CPSF3: variants seen among roughly 807,000 people sequenced by gnomAD.
The protein encoded by CPSF3 is cleavage and polyadenylation specific factor 3.
Under a neutral mutation model 84.1 loss-of-function variants are expected in CPSF3, and 57 were observed. The observed-to-expected ratio is 0.68, with a 90% CI of 0.55 to 0.85. The LOEUF (loss-of-function observed/expected upper bound fraction) is 0.85. Among genes scored for constraint, CPSF3 ranks in the 40% least tolerant of loss-of-function variants. The pLI, the probability that CPSF3 is intolerant of heterozygous loss-of-function variation, is 0.00. For synonymous variants in CPSF3, 275 were observed against 278.1 expected (o/e 0.99, Z 0.11); for missense variants, 522 against 838.8 (o/e 0.62, Z 4.66).
At position 9,440,798 on chromosome 2, in the gene CPSF3, T is replaced by A. The variant is rs187650011; in HGVS notation, c.936+132T>A. On this transcript the variant is annotated intron_variant, in intron 8 of 17. Coordinates refer to ENST00000238112, the MANE Select transcript of CPSF3 (RefSeq NM_016207.4). ...TGGGAGTCTAAGGCAGGAGGATCACTAGAACTCAGGAGTTTGAGACCGGCC... is the reference window on the plus strand; with the variant it reads ...TGGGAGTCTAAGGCAGGAGGATCACAAGAACTCAGGAGTTTGAGACCGGCC... The A allele has an allele frequency of 5.4e-4, 450 of 833,454 alleles. 1 individual carries two copies. The highest frequency in any genetic ancestry group is 1.4e-3 in the Admixed American group (57 of 41,168). The allele number at this position is 833,454 out of a possible 1,614,324, so 51.6% of individuals were successfully genotyped here.
Position 9,423,734 on chromosome 2 carries a change from G to A in CPSF3, c.-40G>A. ...GCTTCCAATTTAGGAAGACCCCGGC[G>A]ACCTGTTCCTCACCCCCGCTTCGCC... On this transcript the variant is annotated 5_prime_UTR_variant, in exon 1 of 18. Transcript: ENST00000238112. 2 of 1,606,756 alleles carry A rather than the reference G, an allele frequency of 1.2e-6. No individual in the cohort carries two copies. The highest frequency in any genetic ancestry group is 1.7e-6 in the Non-Finnish European group (2 of 1,177,160).
chr2:9,425,479 T>C (rs11887079), intron 1 of CPSF3, among the ~76,000 whole-genome samples: 84,894 of 151,988 alleles, frequency 0.56, 24,732 homozygotes, highest in Middle Eastern at 0.7. Flanking sequence ...TGAAAGATTC[T>C]AAGTCTAGCT....
chr2:9,459,704 C>CA, intron 15 of CPSF3, 86 bp downstream of exon 15: 1 of 609,466 alleles, frequency 1.6e-6, no homozygotes, highest in South Asian at 2.0e-5. Context: ...GGCTGGAGTG[C>CA]AGTGGCACGA....
At chr2:9,425,586 G>A (rs1476597528) in intron 1 of CPSF3, among the ~76,000 whole-genome samples, 4 of 152,168 alleles carry the variant, frequency 2.6e-5, no homozygotes, top group Non-Finnish European at 4.4e-5. Context: ...AAGGGTGGTT[G>A]TGGGGAGGGA....
At chr2:9,436,846 G>A (rs1680802535) in intron 7 of CPSF3, among the ~76,000 whole-genome samples, 1 of 151,866 alleles carries the variant, frequency 6.6e-6, no homozygotes, top group South Asian at 2.1e-4. Flanking sequence ...CTCATGCACT[G>A]CTGTTGGGAA....
chr2:9,441,646 G>A, intron 8 of CPSF3, 172 bp from the exon 9 acceptor site: 2 of 655,260 alleles, frequency 3.1e-6, no homozygotes, highest in East Asian at 2.8e-5. Context: ...ACCATTCCTA[G>A]CCTAAACTGT....
intron 3 of CPSF3, 46 bp from the exon 4 acceptor site, chr2:9,430,706 G>C (rs749125686): frequency 2.6e-6 from 4 of 1,568,022 alleles, no homozygotes; most frequent in Non-Finnish European, 3.5e-6. Flanking sequence ...CATGGTATCT[G>C]ATGGATAATA....
intron 1 of CPSF3, among the ~76,000 whole-genome samples, chr2:9,427,686 G>C (rs1301889452): frequency 6.6e-6 from 1 of 152,156 alleles, no homozygotes; most frequent in Admixed American, 6.5e-5. Context: ...CTTGAGGTCA[G>C]GGTCCCTGTA....
intron 15 of CPSF3, among the ~76,000 whole-genome samples, chr2:9,466,218 GCACGCACACACA>G (rs1681912024): frequency 7.2e-6 from 1 of 137,936 alleles, no homozygotes; most frequent in African/African-American, 2.8e-5. Context: ...GCGCACACAC[GCACGCACACACA>G]CACGTGCGCG....
intron 16 of CPSF3, among the ~76,000 whole-genome samples, chr2:9,470,551 C>T (rs1192410767): frequency 6.6e-6 from 1 of 152,212 alleles, no homozygotes; most frequent in African/African-American, 2.4e-5. Flanking sequence ...TGTCTTAGTG[C>T]CTTCTTTATC....
At chr2:9,438,142 G>A (rs949139375) in intron 7 of CPSF3, among the ~76,000 whole-genome samples, 3 of 152,236 alleles carry the variant, frequency 2.0e-5, no homozygotes, top group Admixed American at 1.3e-4. Context: ...CTGTCACACT[G>A]AAAAGGAAAA....
chr2:9,426,275 G>A (rs1680388438), intron 1 of CPSF3, among the ~76,000 whole-genome samples: 1 of 152,202 alleles, frequency 6.6e-6, no homozygotes, highest in African/African-American at 2.4e-5. Context: ...GGGCAAATTA[G>A]AGGAGGTAGT....
intron 16 of CPSF3, among the ~76,000 whole-genome samples, chr2:9,469,132 C>A (rs1022340656): frequency 6.6e-6 from 1 of 152,256 alleles, no homozygotes. Flanking sequence ...TTACTGGTTC[C>A]CACCCCTGGA....
chr2:9,459,490 C>A (rs748275206), intron 14 of CPSF3, 41 bp from the exon 15 acceptor site: 4 of 1,360,256 alleles, frequency 2.9e-6, no homozygotes, highest in African/African-American at 2.9e-5. Context: ...GGTTGGTCAC[C>A]CTAGGTAGGT....
intron 6 of CPSF3, among the ~76,000 whole-genome samples, chr2:9,434,905 G>A (rs1360369198): frequency 1.3e-5 from 2 of 152,212 alleles, no homozygotes; most frequent in African/African-American, 4.8e-5. Context: ...ATGTTCCCCA[G>A]CTGCCCAGGC....
At position 9,443,197 on chromosome 2, in the gene CPSF3, C is replaced by T. The variant is rs564656078; in HGVS notation, c.1096-318C>T. On this transcript the variant is annotated intron_variant, in intron 9 of 17. Transcript: ENST00000238112. ...GATTTTCAGAATAGAAATATATCCA[C>T]ATATCTAGGAAATGACTTTGGAGAG... Among the ~76,000 whole-genome samples, 9 of 152,272 alleles carry T rather than the reference C, an allele frequency of 5.9e-5. No individual in the cohort carries two copies. In the East Asian group the frequency reaches 1.7e-3, roughly 29 times the overall value.
chr2:9,452,359 C>T (rs188175901), intron 11 of CPSF3, among the ~76,000 whole-genome samples: 155 of 151,276 alleles, frequency 1.0e-3, no homozygotes, highest in African/African-American at 3.7e-3. Flanking sequence ...GTGGGTTTCA[C>T]GTTTGTAGTA....
intron 16 of CPSF3, among the ~76,000 whole-genome samples, chr2:9,468,398 A>G (rs1682046594): frequency 6.6e-6 from 1 of 151,546 alleles, no homozygotes; most frequent in African/African-American, 2.4e-5. Context: ...AGCTAATTTT[A>G]TTTTTCTGGA....
intron 7 of CPSF3, among the ~76,000 whole-genome samples, chr2:9,436,843 A>C (rs911173704): frequency 2.6e-5 from 4 of 151,774 alleles, no homozygotes; most frequent in Non-Finnish European, 4.4e-5. Flanking sequence ...ACTCTCATGC[A>C]CTGCTGTTGG....
Sources: gnomAD v4.1 joint callset for allele counts (sites outside exome capture counted in the v4.1 genomes callset) on GRCh38, gnomAD v4.1.1 for gene constraint, MANE v1.5 for transcripts, NCBI Gene and HGNC (gene_info 2026-07-23, HGNC 2026-07-21) for gene names.